Variants in STIM1 observed in about 807,000 individuals in gnomAD.
STIM1 encodes stromal interaction molecule 1.
A neutral mutation model predicts 74.7 loss-of-function variants in STIM1; 25 were observed. The ratio of observed to expected loss-of-function variants is 0.33; its 90% CI spans 0.24 to 0.47. The LOEUF (loss-of-function observed/expected upper bound fraction) is 0.47. Ranked by LOEUF, STIM1 falls within the 20% of genes least tolerant of loss-of-function variation. STIM1 has a pLI of 1.00. For synonymous variants in STIM1, 328 were observed against 348.8 expected (o/e 0.94, Z 0.66); for missense variants, 728 against 920.8 (o/e 0.79, Z 2.71).
In STIM1 at chr11:3,885,011, G is replaced by T. The variant is rs186454145; in HGVS notation, c.139+28602G>T. ...GTGTGGGGGGAGAGGGTAATGAGAA[G>T]TTACTTCTAATGGATATGGGGTTTC... is the stretch of plus-strand genomic sequence containing the variant. On this transcript the variant is annotated intron_variant, in intron 1 of 12. Transcript: ENST00000526596. Among the ~76,000 whole-genome samples, 634 of 152,152 alleles carry T rather than the reference G, an allele frequency of 4.2e-3. 3 individuals carry two copies. Among genetic ancestry groups the T allele is most frequent in the African/African-American group, 0.015 (608 of 41,500 alleles).
chr11:3,892,760 T>C, intron 1 of STIM1: 2 of 1,613,260 alleles, frequency 1.2e-6, no homozygotes, highest in Non-Finnish European at 8.5e-7. Context: ...AAATCCTTTC[T>C]CTCCAGTGCT....
At position 4,013,519 on chromosome 11, in the gene STIM1, A is replaced by G. The variant is rs186065890; in HGVS notation, c.271-10354A>G. ...TTCTAGTTTATTTATTTTATATTTT[A>G]TATTATTTTATTCTCTTTGTGTAGA... On this transcript the variant is annotated intron_variant, in intron 2 of 12. Coordinates refer to ENST00000526596, the MANE Select transcript of STIM1 (RefSeq NM_001382567.1). 9.3e-5 allele frequency among the ~76,000 whole-genome samples: 14 copies of G among 150,942 alleles called. No homozygotes were observed. In the East Asian group the frequency reaches 2.3e-3, roughly 25 times the overall value.
intron 2 of STIM1, among the ~76,000 whole-genome samples, chr11:3,985,302 T>C (rs149310285): frequency 1.4e-3 from 207 of 152,350 alleles, no homozygotes; most frequent in African/African-American, 4.4e-3. Flanking sequence ...TGTATAGATG[T>C]CTATATATGT....
intron 6 of STIM1, among the ~76,000 whole-genome samples, chr11:4,072,767 T>A (rs1202645272): frequency 6.6e-6 from 1 of 152,188 alleles, no homozygotes; most frequent in Non-Finnish European, 1.5e-5. Context: ...TCCTTAATGG[T>A]GTAACTTTAT....
intron 11 of STIM1, among the ~76,000 whole-genome samples, chr11:4,085,389 G>A (rs1328104258): frequency 2.6e-5 from 4 of 152,182 alleles, no homozygotes; most frequent in Non-Finnish European, 5.9e-5. Context: ...TTTTAGCTGG[G>A]AGTGAGCCCA....
intron 1 of STIM1, among the ~76,000 whole-genome samples, chr11:3,891,129 G>A (rs549920453): frequency 3.3e-4 from 50 of 151,972 alleles, no homozygotes; most frequent in African/African-American, 1.2e-3. Flanking sequence ...TCTCACAGCA[G>A]TCAATGACAT....
At chr11:3,971,230 T>C (rs1310300655) in intron 2 of STIM1, among the ~76,000 whole-genome samples, 1 of 121,278 alleles carries the variant, frequency 8.2e-6, no homozygotes, top group Non-Finnish European at 1.7e-5. Context: ...TAAACAAGTA[T>C]GAAAAAAAAA....
chr11:3,904,196 C>CAAAAAAAAAAAAAAAAAAAAAAAAA (rs57908154), intron 1 of STIM1, among the ~76,000 whole-genome samples: 7 of 73,860 alleles, frequency 9.5e-5, no homozygotes, highest in Non-Finnish European at 1.2e-4. Flanking sequence ...GACTCTGTCT[C>CAAAAAAAAAAAAAAAAAAAAAAAAA]AAAAAAAAAA....
chr11:3,963,498 A>G (rs1320760932), intron 1 of STIM1, among the ~76,000 whole-genome samples: 1 of 152,236 alleles, frequency 6.6e-6, no homozygotes, highest in Non-Finnish European at 1.5e-5. Context: ...AAAAGATGTT[A>G]TGCATATAAA....
intron 3 of STIM1, among the ~76,000 whole-genome samples, chr11:4,051,257 T>C (rs1438022914): frequency 1.2e-4 from 18 of 152,156 alleles, no homozygotes; most frequent in Admixed American, 1.2e-3. Flanking sequence ...CTTATATATC[T>C]AGATGATACA....
At chr11:4,086,927 G>C (rs1053397573) in intron 12 of STIM1, 128 of 1,486,834 alleles carry the variant, frequency 8.6e-5, no homozygotes, top group Non-Finnish European at 1.1e-4. Context: ...CTTGGTTTCT[G>C]CCTGCCAGCT....
intron 1 of STIM1, among the ~76,000 whole-genome samples, chr11:3,895,719 TTTCTTTC>T (rs2092105566): frequency 2.6e-5 from 1 of 38,626 alleles, no homozygotes; most frequent in Non-Finnish European, 4.5e-5. Context: ...TCTTTCTTTC[TTTCTTTC>T]TTTCTTTCTT....
chr11:3,952,107 T>C (rs915065998), intron 1 of STIM1, among the ~76,000 whole-genome samples: 4 of 152,084 alleles, frequency 2.6e-5, no homozygotes, highest in African/African-American at 9.7e-5. Flanking sequence ...CTCTCTTTGC[T>C]ATTGTTGGGA....
chr11:3,998,849 G>T (rs186527344), intron 2 of STIM1, among the ~76,000 whole-genome samples: 9 of 152,288 alleles, frequency 5.9e-5, no homozygotes, highest in Admixed American at 5.2e-4. Flanking sequence ...GGGTATAAAA[G>T]ATCATGGTTT....
chr11:3,961,048 G>T (rs1392224303), intron 1 of STIM1, among the ~76,000 whole-genome samples: 1 of 152,024 alleles, frequency 6.6e-6, no homozygotes, highest in Non-Finnish European at 1.5e-5. Context: ...TGTTGCCCAG[G>T]CTGTAGTGCA....
At chr11:4,021,393 T>A (rs2093954590) in intron 2 of STIM1, among the ~76,000 whole-genome samples, 1 of 152,268 alleles carries the variant, frequency 6.6e-6, no homozygotes, top group Admixed American at 6.5e-5. Context: ...CCCAAAGTGC[T>A]GGGATTACAG....
At chr11:3,971,575 C>T (rs371095697) in intron 2 of STIM1, among the ~76,000 whole-genome samples, 1 of 151,850 alleles carries the variant, frequency 6.6e-6, no homozygotes, top group African/African-American at 2.4e-5. Flanking sequence ...AAAGATGTAA[C>T]GTGATATCCA....
intron 1 of STIM1, among the ~76,000 whole-genome samples, chr11:3,917,754 A>C (rs1419584466): frequency 1.9e-4 from 29 of 152,128 alleles, no homozygotes; most frequent in Admixed American, 1.9e-3. Context: ...TTTGAAGATG[A>C]GCTGAGGTTA....
chr11:3,855,897 C>A lies in STIM1; in HGVS notation c.-374C>A, dbSNP rs188804565. The A allele has an allele frequency of 1.4e-3, 416 of 288,932 alleles. 1 individual carries two copies. The highest frequency in any genetic ancestry group is 8.0e-3 in the African/African-American group (365 of 45,636). The allele number at this position is 288,932 out of a possible 1,614,324, so 17.9% of individuals were successfully genotyped here. A position where few individuals can be genotyped will look rare whatever the true frequency, so the allele number is the denominator to read the frequency against. ...CCCCTTCTCGCCTCTCTTCTCTTCT[C>A]TTCTCTTCCTCCTCCACTTCTGTGC... is the stretch of plus-strand genomic sequence containing the variant. On this transcript the variant is annotated 5_prime_UTR_variant, in exon 1 of 13. Coordinates refer to ENST00000526596, the MANE Select transcript of STIM1 (RefSeq NM_001382567.1).
Sources: allele counts gnomAD v4.1 joint callset (sites outside exome capture counted in the v4.1 genomes callset), GRCh38; gene constraint gnomAD v4.1.1; transcripts MANE v1.5; gene names NCBI Gene and HGNC (gene_info 2026-07-23, HGNC 2026-07-21).